Variants in CNTNAP5 observed in about 807,000 individuals in gnomAD.
CNTNAP5 encodes the protein contactin associated protein family member 5.
CNTNAP5 carries 72 observed loss-of-function variants against 150.2 expected under a neutral mutation model. That is an observed-to-expected ratio of 0.48 (90% CI 0.40 to 0.58). The LOEUF (loss-of-function observed/expected upper bound fraction) is 0.58. Ranked by LOEUF, CNTNAP5 falls within the 20% of genes least tolerant of loss-of-function variation. The pLI is 0.00. For synonymous variants in CNTNAP5, 672 were observed against 619.8 expected (o/e 1.08, Z -1.25); for missense variants, 1,636 against 1,626.2 (o/e 1.01, Z -0.10).
At chr2:124,666,912 T>C (rs1020282542) in intron 13 of CNTNAP5, among the ~76,000 whole-genome samples, 3 of 137,662 alleles carry the variant, frequency 2.2e-5, no homozygotes, top group Non-Finnish European at 4.8e-5. Flanking sequence ...CTCAAGACTT[T>C]CAAAGATGTT....
intron 10 of CNTNAP5, among the ~76,000 whole-genome samples, chr2:124,560,266 G>A (rs1477891456): frequency 6.6e-6 from 1 of 152,116 alleles, no homozygotes; most frequent in African/African-American, 2.4e-5. Flanking sequence ...CCAGCACTTT[G>A]AGAGGCCGAG....
chr2:124,103,803 T>C (rs147778148), intron 1 of CNTNAP5, among the ~76,000 whole-genome samples: 4 of 148,648 alleles, frequency 2.7e-5, no homozygotes, highest in Non-Finnish European at 5.9e-5. Context: ...AGTTATATTA[T>C]ATATAACTTA....
chr2:124,197,599 A>T (rs886833584), intron 1 of CNTNAP5, among the ~76,000 whole-genome samples: 1 of 152,222 alleles, frequency 6.6e-6, no homozygotes, highest in Non-Finnish European at 1.5e-5. Flanking sequence ...TTACCTAGCA[A>T]TGGGATTTCT....
At chr2:124,062,056 G>A (rs916242273) in intron 1 of CNTNAP5, among the ~76,000 whole-genome samples, 1 of 26,648 alleles carries the variant, frequency 3.8e-5, no homozygotes, top group Admixed American at 5.5e-4. Context: ...GAGAGGTCTT[G>A]TTATCTTCAG....
At chr2:124,485,631 A>AAAAAAAAAAAAAAG (rs1457112306) in intron 7 of CNTNAP5, among the ~76,000 whole-genome samples, 3 of 134,202 alleles carry the variant, frequency 2.2e-5, no homozygotes, top group Admixed American at 8.2e-5. Context: ...AAAAAAAAAA[A>AAAAAAAAAAAAAAG]AAAGAAGAAG....
intron 8 of CNTNAP5, among the ~76,000 whole-genome samples, chr2:124,508,465 T>A (rs1211554778): frequency 3.9e-5 from 6 of 152,074 alleles, no homozygotes; most frequent in African/African-American, 1.4e-4. Context: ...AGGCCTCAGG[T>A]CAAAAATGAA....
At chr2:124,162,390 A>G (rs772411663) in intron 1 of CNTNAP5, among the ~76,000 whole-genome samples, 9 of 152,194 alleles carry the variant, frequency 5.9e-5, no homozygotes, top group Non-Finnish European at 8.8e-5. Flanking sequence ...ACAGTAAATC[A>G]AGACAAAAAG....
intron 1 of CNTNAP5, among the ~76,000 whole-genome samples, chr2:124,101,404 G>C (rs1400945051): frequency 6.6e-6 from 1 of 152,114 alleles, no homozygotes; most frequent in Non-Finnish European, 1.5e-5. Flanking sequence ...TCTGGCTACT[G>C]TTGACCTCTA....
chr2:124,227,472 G>T, intron 2 of CNTNAP5, among the ~76,000 whole-genome samples: 1 of 152,064 alleles, frequency 6.6e-6, no homozygotes, highest in East Asian at 1.9e-4. Context: ...CGGAAAAAGA[G>T]TAGGTACTAA....
chr2:124,274,062 T>C (rs1412476647), intron 3 of CNTNAP5, among the ~76,000 whole-genome samples: 5 of 152,192 alleles, frequency 3.3e-5, no homozygotes, highest in Non-Finnish European at 7.4e-5. Flanking sequence ...TAGCAATATA[T>C]TTAAGCAAAT....
intron 4 of CNTNAP5, among the ~76,000 whole-genome samples, chr2:124,422,640 T>C (rs952272649): frequency 2.6e-5 from 4 of 152,208 alleles, no homozygotes; most frequent in Non-Finnish European, 1.5e-5. Context: ...AATACCCAGA[T>C]ACTTTTTTTA....
At chr2:124,891,438 C>T (rs145027279) in intron 21 of CNTNAP5, among the ~76,000 whole-genome samples, 1 of 152,190 alleles carries the variant, frequency 6.6e-6, no homozygotes, top group African/African-American at 2.4e-5. Flanking sequence ...GGGAAATAGA[C>T]CCCATCGCTC....
intron 19 of CNTNAP5, among the ~76,000 whole-genome samples, chr2:124,845,448 T>A (rs1293880366): frequency 6.6e-6 from 1 of 151,844 alleles, no homozygotes; most frequent in Non-Finnish European, 1.5e-5. Flanking sequence ...ATTTTTTTTT[T>A]TTTTTGCTAT....
chr2:124,439,480 C>T (rs549624905), intron 5 of CNTNAP5, among the ~76,000 whole-genome samples: 4 of 152,190 alleles, frequency 2.6e-5, no homozygotes, highest in South Asian at 2.1e-4. Context: ...ATAATGTTTT[C>T]GAAGATAGCA....
At chr2:124,307,385 A>G (rs1252320583) in intron 3 of CNTNAP5, among the ~76,000 whole-genome samples, 1 of 152,088 alleles carries the variant, frequency 6.6e-6, no homozygotes, top group African/African-American at 2.4e-5. Flanking sequence ...TACACTGGGG[A>G]TTAGAGCTTC....
chr2:124,259,101 T>C (rs1255911321), intron 3 of CNTNAP5, among the ~76,000 whole-genome samples: 1 of 146,682 alleles, frequency 6.8e-6, no homozygotes, highest in Non-Finnish European at 1.5e-5. Context: ...AGTGAGAACA[T>C]GTGATGTTTG....
intron 4 of CNTNAP5, among the ~76,000 whole-genome samples, chr2:124,429,090 G>A (rs79988416): frequency 0.038 from 5,721 of 152,230 alleles, 139 homozygotes; most frequent in Middle Eastern, 0.051. Flanking sequence ...AGAAAAAGTC[G>A]TTATGATACT....
intron 5 of CNTNAP5, among the ~76,000 whole-genome samples, chr2:124,435,649 G>A (rs754416499): frequency 6.6e-5 from 10 of 152,082 alleles, no homozygotes; most frequent in African/African-American, 1.2e-4. Context: ...GAAAGAAATT[G>A]CAAAATGTAA....
At chr2:124,380,798 C>A (rs1482038628) in intron 3 of CNTNAP5, among the ~76,000 whole-genome samples, 1 of 152,134 alleles carries the variant, frequency 6.6e-6, no homozygotes, top group Non-Finnish European at 1.5e-5. Context: ...GATAGAGCAG[C>A]AATCAAAACA....
Sources: gnomAD v4.1 joint callset for allele counts (sites outside exome capture counted in the v4.1 genomes callset) on GRCh38, gnomAD v4.1.1 for gene constraint, MANE v1.5 for transcripts, NCBI Gene and HGNC (gene_info 2026-07-23, HGNC 2026-07-21) for gene names.